The following GPC3 variants were observed in gnomAD, a reference collection of about 807,000 sequenced individuals.
The protein encoded by GPC3 is glypican-3.
A neutral mutation model predicts 34.4 loss-of-function variants in GPC3; 3 were observed. The observed-to-expected ratio is 0.09, with a 90% confidence interval of 0.04 to 0.23. The LOEUF is 0.23. Among genes scored for constraint, GPC3 ranks in the 10% least tolerant of loss-of-function variants. GPC3 has a pLI of 1.00. For synonymous variants in GPC3, 177 were observed against 174.0 expected (o/e 1.02, Z -0.13); for missense variants, 351 against 445.6 (o/e 0.79, Z 1.91).
At chrX:133,601,177 C>G (rs187462673) in intron 6 of GPC3, among the ~76,000 whole-genome samples, 1 of 111,720 alleles carries the variant, frequency 9.0e-6, no homozygotes, top group African/African-American at 3.3e-5. Flanking sequence ...CCTAAGCATA[C>G]AATCAACTTT....
chrX:133,694,990 T>C (rs1342626317), intron 4 of GPC3, among the ~76,000 whole-genome samples: 1 of 111,498 alleles, frequency 9.0e-6, no homozygotes, highest in East Asian at 2.8e-4. Flanking sequence ...AATGTGAATA[T>C]ATTAGTCTGT....
chrX:133,613,621 T>G (rs2070132574), intron 6 of GPC3, among the ~76,000 whole-genome samples: 1 of 112,250 alleles, frequency 8.9e-6, no homozygotes. Context: ...GAGTGGTTTT[T>G]GTAAATACAA....
At chrX:133,847,328 G>A (rs1264238) in intron 2 of GPC3, among the ~76,000 whole-genome samples, 1,752 of 111,576 alleles carry the variant, frequency 0.016, 33 homozygotes, top group African/African-American at 0.052. Context: ...TGCTTAAAAA[G>A]CTGATTCCTG....
chrX:133,637,765 C>T (rs1321975314), intron 6 of GPC3, among the ~76,000 whole-genome samples: 7 of 111,040 alleles, frequency 6.3e-5, no homozygotes, highest in Non-Finnish European at 1.3e-4. Flanking sequence ...ACTTCAGCCT[C>T]TCGAGTAGCT....
chrX:133,754,328 C>T (rs891381546), intron 2 of GPC3, 152 bp from the exon 3 acceptor site: 1 of 467,861 alleles, frequency 2.1e-6, no homozygotes, highest in Non-Finnish European at 3.6e-6. Flanking sequence ...TCTGGCATTG[C>T]CTCTACTCTT....
At chrX:133,664,564 T>C (rs2070753171) in intron 5 of GPC3, among the ~76,000 whole-genome samples, 1 of 111,634 alleles carries the variant, frequency 9.0e-6, no homozygotes, top group African/African-American at 3.3e-5. Context: ...ACTACATTTA[T>C]GGTTTAGTGC....
chrX:133,606,061 G>A (rs942918087), intron 6 of GPC3, among the ~76,000 whole-genome samples: 1 of 112,072 alleles, frequency 8.9e-6, no homozygotes, highest in Non-Finnish European at 1.9e-5. Context: ...CTTACTTTAT[G>A]GTTTGTGAAT....
At chrX:133,608,740 T>C (rs1261843217) in intron 6 of GPC3, among the ~76,000 whole-genome samples, 5 of 111,829 alleles carry the variant, frequency 4.5e-5, no homozygotes, top group Non-Finnish European at 9.4e-5. Flanking sequence ...CTCTAGTTTC[T>C]GACAAAACTT....
intron 2 of GPC3, among the ~76,000 whole-genome samples, chrX:133,939,465 A>C (rs2076335818): frequency 8.9e-6 from 1 of 111,993 alleles, no homozygotes; most frequent in African/African-American, 3.2e-5. Flanking sequence ...CTTCATGAGC[A>C]AGGAAATGAC....
intron 2 of GPC3, among the ~76,000 whole-genome samples, chrX:133,867,622 G>A (rs768855266): frequency 1.0e-4 from 11 of 108,990 alleles, no homozygotes; most frequent in East Asian, 8.8e-4. Flanking sequence ...CGGAGAGGCC[G>A]GTTCCCTGGC....
intron 2 of GPC3, among the ~76,000 whole-genome samples, chrX:133,862,116 G>A (rs1283690512): frequency 9.2e-6 from 1 of 108,203 alleles, no homozygotes; most frequent in African/African-American, 3.4e-5. Context: ...GAATGTTACT[G>A]TCTACTCTAC....
Position 133,692,479 on chromosome X carries a change from C to T in GPC3, c.1182G>A (p.Lys394=). 1 of 1,206,455 alleles carries T rather than the reference C, an allele frequency of 8.3e-7. No homozygotes were observed. The highest frequency in any genetic ancestry group is 1.1e-6 in the Non-Finnish European group (1 of 890,502). ...LSSRRRELIQ[K]LKSFISFYSA... ...TATAGAAGCTGATGAAAGACTTCAA[C>T]TTCTGAATTAGTTCCCTAAAAGAAA... Residue 394 remains lysine (K), a synonymous_variant, in exon 5 of 8, where the codon AAG becomes AAA. Coordinates refer to ENST00000370818, the MANE Select transcript of GPC3 (RefSeq NM_004484.4).
intron 6 of GPC3, among the ~76,000 whole-genome samples, chrX:133,655,789 C>T (rs1039322072): frequency 1.8e-5 from 2 of 111,988 alleles, no homozygotes; most frequent in African/African-American, 6.5e-5. Flanking sequence ...GGAGTGTTTT[C>T]CATCATGTCT....
At chrX:133,558,562 C>T (rs539847359) in intron 7 of GPC3, among the ~76,000 whole-genome samples, 3 of 110,888 alleles carry the variant, frequency 2.7e-5, no homozygotes, top group African/African-American at 9.8e-5. Flanking sequence ...TGATCTTTGT[C>T]GCCATTACCT....
intron 2 of GPC3, among the ~76,000 whole-genome samples, chrX:133,927,341 T>C (rs1176832441): frequency 9.0e-6 from 1 of 110,777 alleles, no homozygotes; most frequent in Non-Finnish European, 1.9e-5. Flanking sequence ...AAAAAAACTG[T>C]ATGAGTAGTG....
intron 6 of GPC3, among the ~76,000 whole-genome samples, chrX:133,626,641 C>T (rs1170033775): frequency 9.2e-6 from 1 of 108,795 alleles, no homozygotes; most frequent in Non-Finnish European, 1.9e-5. Flanking sequence ...GTTAGAATGG[C>T]GATCATTAAA....
chrX:133,555,211 G>A (rs1243648019), intron 7 of GPC3, among the ~76,000 whole-genome samples: 6 of 112,445 alleles, frequency 5.3e-5, no homozygotes, highest in African/African-American at 1.9e-4. Flanking sequence ...ACCTGGCCAG[G>A]CTGGCCACTC....
chrX:133,956,335 G>A (rs777413504), intron 1 of GPC3, among the ~76,000 whole-genome samples: 2 of 112,467 alleles, frequency 1.8e-5, no homozygotes, highest in African/African-American at 6.5e-5. Flanking sequence ...GAAACAGCTA[G>A]TTCTAGCTCA....
At chrX:133,561,690 T>C (rs2069540095) in intron 7 of GPC3, among the ~76,000 whole-genome samples, 1 of 112,233 alleles carries the variant, frequency 8.9e-6, no homozygotes, top group Non-Finnish European at 1.9e-5. Flanking sequence ...CTATTTACAT[T>C]TCTTCTCCTT....
Sources: gnomAD v4.1 joint callset for allele counts (sites outside exome capture counted in the v4.1 genomes callset) on GRCh38, gnomAD v4.1.1 for gene constraint, MANE v1.5 for transcripts, NCBI Gene and HGNC (gene_info 2026-07-23, HGNC 2026-07-21) for gene names.